Variants in HS6ST3 observed in about 807,000 individuals in gnomAD.
The protein encoded by HS6ST3 is heparan sulfate 6-O-sulfotransferase 3, also known as heparan-sulfate 6-O-sulfotransferase 3.
Under a neutral mutation model 36.7 loss-of-function variants are expected in HS6ST3, and 12 were observed. That is an observed-to-expected ratio of 0.33 (90% CI 0.21 to 0.53). The LOEUF (loss-of-function observed/expected upper bound fraction) is 0.53. Ranked by LOEUF, HS6ST3 falls within the 20% of genes least tolerant of loss-of-function variation. The pLI is 0.95. For synonymous variants in HS6ST3, 240 were observed against 257.5 expected (o/e 0.93, Z 0.65); for missense variants, 584 against 640.9 (o/e 0.91, Z 0.96).
At chr13:96,114,590 G>C (rs1196505482) in intron 1 of HS6ST3, among the ~76,000 whole-genome samples, 1 of 152,160 alleles carries the variant, frequency 6.6e-6, no homozygotes, top group African/African-American at 2.4e-5. Flanking sequence ...GCTCATCTAC[G>C]AAACAGGGAT....
rs111623401 is a variant in HS6ST3, at chr13:96,709,485, C to T, written c.708-123005C>T. 1.8e-4 allele frequency among the ~76,000 whole-genome samples: 27 copies of T among 152,232 alleles called. 2 individuals are homozygous for T. Among genetic ancestry groups the T allele is most frequent in the African/African-American group, 6.5e-4 (27 of 41,536 alleles). ...GTCCTCCCAGAACTCTTATGTTTAA[C>T]CCCTATTGTGATGGTATTTGGAGGT... On this transcript the variant is annotated intron_variant, in intron 1 of 1. Coordinates refer to ENST00000376705, the MANE Select transcript of HS6ST3 (RefSeq NM_153456.4).
chr13:96,642,695 T>C (rs531924302), intron 1 of HS6ST3, among the ~76,000 whole-genome samples: 110 of 151,966 alleles, frequency 7.2e-4, no homozygotes, highest in Non-Finnish European at 1.3e-3. Context: ...GTGATGTTTC[T>C]ACTTCAATTA....
At chr13:96,333,510 T>C (rs2055083295) in intron 1 of HS6ST3, among the ~76,000 whole-genome samples, 1 of 152,006 alleles carries the variant, frequency 6.6e-6, no homozygotes, top group Non-Finnish European at 1.5e-5. Flanking sequence ...TTTTTGGGGG[T>C]CTGCAGTGCT....
At chr13:96,266,531 T>G (rs912674228) in intron 1 of HS6ST3, among the ~76,000 whole-genome samples, 4 of 152,180 alleles carry the variant, frequency 2.6e-5, no homozygotes, top group East Asian at 1.9e-4. Flanking sequence ...ATTTCTCCAC[T>G]CAAATTTTGC....
intron 1 of HS6ST3, among the ~76,000 whole-genome samples, chr13:96,652,560 A>G (rs1306310781): frequency 6.6e-6 from 1 of 152,130 alleles, no homozygotes; most frequent in Non-Finnish European, 1.5e-5. Flanking sequence ...TAAAATAACC[A>G]TCATCACCTT....
chr13:96,623,861 C>G (rs9513166), intron 1 of HS6ST3, among the ~76,000 whole-genome samples: 14,520 of 152,204 alleles, frequency 0.095, 764 homozygotes, highest in Admixed American at 0.17. Flanking sequence ...TTGCATTACA[C>G]ATACTTTAAT....
intron 1 of HS6ST3, among the ~76,000 whole-genome samples, chr13:96,138,592 C>T (rs78731942): frequency 0.02 from 3,070 of 152,006 alleles, 90 homozygotes; most frequent in African/African-American, 0.068. Flanking sequence ...AGTTTCCTTG[C>T]GTCACTTTAA....
intron 1 of HS6ST3, among the ~76,000 whole-genome samples, chr13:96,185,539 C>G (rs1461549011): frequency 6.6e-6 from 1 of 152,152 alleles, no homozygotes; most frequent in African/African-American, 2.4e-5. Flanking sequence ...GGGCAGAGAC[C>G]ATTTCAAACA....
At chr13:96,726,390 A>G (rs1876007183) in intron 1 of HS6ST3, among the ~76,000 whole-genome samples, 1 of 152,078 alleles carries the variant, frequency 6.6e-6, no homozygotes, top group Non-Finnish European at 1.5e-5. Flanking sequence ...AGTTTTTCTC[A>G]TGAGTGTTTT....
rs76234603 is a variant in HS6ST3 at position 96,182,862 on chromosome 13, G to T, written c.707+91293G>T. Among the ~76,000 whole-genome samples the T allele has an allele frequency of 2.0e-5, 3 of 152,290 alleles. No individual in the cohort carries two copies. In the East Asian group the frequency reaches 5.8e-4, roughly 29 times the overall value. ...AGTGAAATAAAATATCAGAAAAATA[G>T]CCTAGTCACTCACATCTAAACTGTT... On this transcript the variant is annotated intron_variant, in intron 1 of 1. Transcript: ENST00000376705.
intron 1 of HS6ST3, among the ~76,000 whole-genome samples, chr13:96,352,948 G>A (rs906283952): frequency 6.6e-6 from 1 of 151,912 alleles, no homozygotes; most frequent in African/African-American, 2.4e-5. Context: ...ACATTAAGTG[G>A]CAGAGCCAGG....
intron 1 of HS6ST3, among the ~76,000 whole-genome samples, chr13:96,767,991 T>A (rs1162614424): frequency 6.6e-6 from 1 of 152,144 alleles, no homozygotes; most frequent in East Asian, 1.9e-4. Flanking sequence ...ATACTTTTGC[T>A]CTCCCATGTA....
At chr13:96,500,661 A>G (rs1175135381) in intron 1 of HS6ST3, among the ~76,000 whole-genome samples, 1 of 152,200 alleles carries the variant, frequency 6.6e-6, no homozygotes, top group Non-Finnish European at 1.5e-5. Flanking sequence ...TCTTCTGCTT[A>G]GGATGAGCCA....
chr13:96,797,571 C>T (rs954863942), intron 1 of HS6ST3, among the ~76,000 whole-genome samples: 3 of 152,034 alleles, frequency 2.0e-5, no homozygotes, highest in African/African-American at 4.8e-5. Flanking sequence ...GCTATGAAAT[C>T]GTAGCACATT....
intron 1 of HS6ST3, among the ~76,000 whole-genome samples, chr13:96,642,968 G>C (rs1057233968): frequency 3.0e-4 from 45 of 151,802 alleles, no homozygotes; most frequent in African/African-American, 1.0e-3. Flanking sequence ...TTCTTTGCAT[G>C]TTTTGTAATT....
At chr13:96,484,685 T>G (rs768011296) in intron 1 of HS6ST3, among the ~76,000 whole-genome samples, 1 of 152,172 alleles carries the variant, frequency 6.6e-6, no homozygotes, top group Non-Finnish European at 1.5e-5. Context: ...GATTTCCTTT[T>G]TCTTAAGGCT....
chr13:96,510,743 T>G (rs1198419482), intron 1 of HS6ST3, among the ~76,000 whole-genome samples: 2 of 152,134 alleles, frequency 1.3e-5, no homozygotes, highest in Non-Finnish European at 2.9e-5. Flanking sequence ...TTATTAATTC[T>G]ATTTTATTCC....
chr13:96,293,717 A>G (rs1387919398), intron 1 of HS6ST3, among the ~76,000 whole-genome samples: 2 of 152,086 alleles, frequency 1.3e-5, no homozygotes, highest in African/African-American at 4.8e-5. Context: ...GCAGTTTATG[A>G]TTGAATTGGG....
intron 1 of HS6ST3, among the ~76,000 whole-genome samples, chr13:96,278,942 C>T (rs1466618191): frequency 1.3e-5 from 2 of 152,050 alleles, no homozygotes; most frequent in African/African-American, 2.4e-5. Flanking sequence ...TTTATTTTAA[C>T]CATCAAGTAG....
Sources: allele counts gnomAD v4.1 joint callset (sites outside exome capture counted in the v4.1 genomes callset), GRCh38; gene constraint gnomAD v4.1.1; transcripts MANE v1.5; gene names NCBI Gene and HGNC (gene_info 2026-07-23, HGNC 2026-07-21).